Variants in ABLIM2 observed in about 807,000 individuals in gnomAD.
The protein encoded by ABLIM2 is actin-binding LIM protein 2.
ABLIM2 carries 53 observed loss-of-function variants against 97.7 expected under a neutral mutation model. That is an observed-to-expected ratio of 0.54 (90% confidence interval 0.44 to 0.68). The LOEUF is 0.68. ABLIM2 is among the 30% of genes least tolerant of loss of function. The probability of loss-of-function intolerance (pLI) is 0.00; values close to 1 mark genes in which losing one functional copy is unlikely to be tolerated. For synonymous variants in ABLIM2, 361 were observed against 345.8 expected, an observed-to-expected ratio of 1.04 and a Z score of -0.49; for missense variants, 835 against 867.2, an observed-to-expected ratio of 0.96 and a Z score of 0.47.
chr4:7,976,918 TAC>T (rs1553885348), intron 20 of ABLIM2, among the ~76,000 whole-genome samples: 3 of 151,158 alleles, frequency 2.0e-5, no homozygotes, highest in African/African-American at 7.3e-5. Context: ...CACACACACA[TAC>T]ACACATACAC....
intron 1 of ABLIM2, among the ~76,000 whole-genome samples, chr4:8,117,373 G>T (rs939120014): frequency 9.9e-5 from 15 of 152,182 alleles, no homozygotes; most frequent in African/African-American, 3.4e-4. Context: ...CACACCTACA[G>T]ACTCCACCCA....
At position 8,071,785 on chromosome 4, in the gene ABLIM2, C is replaced by A. The variant is rs980630072; in HGVS notation, c.675+5843G>T. ...GTTTCCTACCTGCACAGCTTCTGGG[C>A]ACCAGAGCCCAGTCTGACGGCCCTG... On this transcript the variant is annotated intron_variant, in intron 6 of 20. Transcript: ENST00000447017. The surrounding 1 kb of genome is among the most constrained non-coding windows in gnomAD (Gnocchi z 6.2). 12 of 984,070 alleles carry A rather than the reference C, an allele frequency of 1.2e-5. No homozygotes were observed. In the African/African-American group the frequency reaches 1.8e-4, roughly 14 times the overall value. The allele number at this position is 984,070 out of a possible 1,614,324, so 61.0% of individuals were successfully genotyped here.
intron 1 of ABLIM2, among the ~76,000 whole-genome samples, chr4:8,109,730 T>A (rs1264464385): frequency 6.6e-6 from 1 of 152,076 alleles, no homozygotes; most frequent in African/African-American, 2.4e-5. Flanking sequence ...GGGAGAGGGG[T>A]TGGCCTGGGA....
chr4:7,999,962 G>A lies in ABLIM2; in HGVS notation c.1619-7035C>T, dbSNP rs976971792. On this transcript the variant is annotated intron_variant, in intron 16 of 20. Transcript: ENST00000447017. The surrounding 1 kb of genome is among the most constrained non-coding windows in gnomAD (Gnocchi z 4.4). Reference sequence around the variant, plus strand: ...AAGTCACCGCTGGACATTCAAGGCCGGGCACCTTGTGGGCAGAGGACTGTG... The same window carrying A: ...AAGTCACCGCTGGACATTCAAGGCCAGGCACCTTGTGGGCAGAGGACTGTG... Among the ~76,000 whole-genome samples, 2 of 152,190 alleles carry A rather than the reference G, an allele frequency of 1.3e-5. No individual in the cohort carries two copies. The highest frequency in any genetic ancestry group is 2.1e-4 in the South Asian group (1 of 4,830).
rs1828896551 is a variant in ABLIM2 at position 8,091,849 on chromosome 4, T to TATACAATATATTATA, written c.339-3566_339-3565insTATAATATATTGTAT. 1.6e-3 allele frequency among the ~76,000 whole-genome samples: 166 copies of TATACAATATATTATA among 102,424 alleles called. 6 individuals carry two copies. The Admixed American group carries it at 0.018, about 11-fold the overall frequency. The allele number at this position is 102,424 out of a possible 152,430, so 67.2% of individuals were successfully genotyped here. On this transcript the variant is annotated intron_variant, in intron 3 of 20. Coordinates refer to ENST00000447017, the MANE Select transcript of ABLIM2 (RefSeq NM_001130083.2). Reference sequence around the variant, plus strand: ...TTATATAAATAATATAATATATTATTTATACAATATATTATATATACAATA... The same window carrying TATACAATATATTATA: ...TTATATAAATAATATAATATATTATTATACAATATATTATATATACAATATATTATATATACAATA...
At chr4:7,997,370 G>A (rs956518883) in intron 16 of ABLIM2, among the ~76,000 whole-genome samples, 7 of 152,006 alleles carry the variant, frequency 4.6e-5, no homozygotes, top group African/African-American at 1.7e-4. Flanking sequence ...GCGCCCAGCC[G>A]CTATTATTTC....
At chr4:8,156,675 C>T (rs1364829160) in intron 1 of ABLIM2, among the ~76,000 whole-genome samples, 1 of 152,242 alleles carries the variant, frequency 6.6e-6, no homozygotes, top group Non-Finnish European at 1.5e-5. Context: ...TGATGCTCAG[C>T]CACTCCTACC....
chr4:8,042,172 C>T (rs1200150374), intron 9 of ABLIM2, among the ~76,000 whole-genome samples: 2 of 152,188 alleles, frequency 1.3e-5, no homozygotes, highest in African/African-American at 2.4e-5. Flanking sequence ...CTCCTGCCCT[C>T]CTGTCTCTCA....
rs528404903 is a variant in ABLIM2 at position 8,104,361 on chromosome 4, C to T, written c.154+2133G>A. On this transcript the variant is annotated intron_variant, in intron 2 of 20. Transcript: ENST00000447017. ...CATCCTGGGGGTGTCCCTGGGTCCC[C>T]CCATGAGGACTGGGCTTCACGCTGC... 2.2e-4 allele frequency among the ~76,000 whole-genome samples: 34 copies of T among 152,336 alleles called. No homozygotes were observed. The South Asian group carries it at 6.8e-3, about 31-fold the overall frequency.
chr4:7,993,011 G>A, intron 16 of ABLIM2, 84 bp from the exon 17 acceptor site: 1 of 1,456,496 alleles, frequency 6.9e-7, no homozygotes, highest in South Asian at 1.2e-5. Flanking sequence ...CTTCCCACCG[G>A]GGTGGGCAAG....
At chr4:8,052,263 A>G (rs1018152327) in intron 8 of ABLIM2, among the ~76,000 whole-genome samples, 2 of 152,114 alleles carry the variant, frequency 1.3e-5, no homozygotes, top group African/African-American at 4.8e-5. Context: ...GGTCCCTTCC[A>G]CAGGCCTTTG....
rs1759872835 is a variant in ABLIM2 at position 8,004,658 on chromosome 4, A to T, written c.1618+3401T>A. 6.6e-6 allele frequency among the ~76,000 whole-genome samples: 1 copy of T among 152,118 alleles called. No homozygotes were observed. Among genetic ancestry groups the T allele is most frequent in the African/African-American group, 2.4e-5 (1 of 41,416 alleles). On this transcript the variant is annotated intron_variant, in intron 16 of 20. Coordinates refer to ENST00000447017, the MANE Select transcript of ABLIM2 (RefSeq NM_001130083.2). The surrounding 1 kb of genome is among the most constrained non-coding windows in gnomAD (Gnocchi z 5.9). ...GCAGCAGCAGGCCCTACTGCCGGGG[A>T]CACGGAGTCCACACCACCTTGTGTT...
chr4:8,108,667 C>T (rs1337428276), intron 1 of ABLIM2, among the ~76,000 whole-genome samples: 2 of 152,250 alleles, frequency 1.3e-5, no homozygotes, highest in African/African-American at 2.4e-5. Flanking sequence ...ACGGGACGCC[C>T]CCCTTCTGGG....
chr4:7,968,609 T>G (rs1462707608), intron 20 of ABLIM2, among the ~76,000 whole-genome samples: 2 of 152,174 alleles, frequency 1.3e-5, no homozygotes, highest in Non-Finnish European at 2.9e-5. Context: ...ATTCCACTTC[T>G]CTGAAGTGTC....
In ABLIM2 at chr4:8,022,676, GTCTCTGAGGA is replaced by G. The variant is rs1265401919; in HGVS notation, c.1268-2383_1268-2374del. The G allele has an allele frequency of 1.3e-5, 2 of 152,680 alleles. No homozygotes were observed. Among genetic ancestry groups the G allele is most frequent in the East Asian group, 3.9e-4 (2 of 5,188 alleles). 9.5% of individuals were successfully genotyped at this position (152,680 alleles called of 1,614,324 possible). On this transcript the variant is annotated intron_variant, in intron 12 of 20. Coordinates refer to ENST00000447017, the MANE Select transcript of ABLIM2 (RefSeq NM_001130083.2). This position sits in a 1 kb window ranked among gnomAD's most constrained non-coding sequence, Gnocchi z 7.8. Reference sequence around the variant, plus strand: ...CTGCTCAGCCTTCTGGTAGGACTTGGTCTCTGAGGACCTCTCCCTCCTCTGCACTCATGCC... The same window carrying G: ...CTGCTCAGCCTTCTGGTAGGACTTGGCCTCTCCCTCCTCTGCACTCATGCC...
At chr4:7,977,072 G>A (rs562322758) in intron 20 of ABLIM2, among the ~76,000 whole-genome samples, 2 of 152,242 alleles carry the variant, frequency 1.3e-5, no homozygotes, top group East Asian at 3.9e-4. Context: ...CCTGGTGGGA[G>A]GTGATTGGGT....
At position 8,083,129 on chromosome 4, in the gene ABLIM2, G is replaced by A. The variant is rs1195763113; in HGVS notation, c.455-2327C>T. Among the ~76,000 whole-genome samples the A allele has an allele frequency of 6.6e-6, 1 of 152,174 alleles. No individual in the cohort carries two copies. The highest frequency in any genetic ancestry group is 1.5e-5 in the Non-Finnish European group (1 of 68,024). The stretch of plus-strand genomic sequence containing the variant: ...CCCACATGTGAATGGTGCTGGAGCT[G>A]AGATCCCCGGCTCCAAGCCTCTGTT... On this transcript the variant is annotated intron_variant, in intron 4 of 20. Transcript: ENST00000447017. The surrounding 1 kb of genome is among the most constrained non-coding windows in gnomAD (Gnocchi z 4.6).
intron 2 of ABLIM2, among the ~76,000 whole-genome samples, chr4:8,101,776 CAT>C (rs1470790182): frequency 6.6e-6 from 1 of 152,240 alleles, no homozygotes; most frequent in Non-Finnish European, 1.5e-5. Flanking sequence ...ACAGTTAAAA[CAT>C]ATTCCCAAAG....
At position 8,067,113 on chromosome 4, in the gene ABLIM2, T is replaced by C. The variant is rs1218851556; in HGVS notation, c.676-6059A>G. 1.3e-5 allele frequency: 2 copies of C among 152,122 alleles called. No homozygotes were observed. The highest frequency in any genetic ancestry group is 4.8e-5 in the African/African-American group (2 of 41,406). The allele number at this position is 152,122 out of a possible 1,614,324, so 9.4% of individuals were successfully genotyped here. ...GGGGGGCCTACCCAAGGCCATGTCA[T>C]TGAGAGAATGAGGAGCCAGGATCCA... is the stretch of plus-strand genomic sequence containing the variant. On this transcript the variant is annotated intron_variant, in intron 6 of 20. Coordinates refer to ENST00000447017, the MANE Select transcript of ABLIM2 (RefSeq NM_001130083.2). The surrounding 1 kb of genome is among the most constrained non-coding windows in gnomAD (Gnocchi z 5.4).
Sources: allele counts gnomAD v4.1 joint callset (sites outside exome capture counted in the v4.1 genomes callset), GRCh38; gene constraint gnomAD v4.1.1; non-coding constraint Gnocchi (gnomAD v3.1); transcripts MANE v1.5; gene names NCBI Gene and HGNC (gene_info 2026-07-23, HGNC 2026-07-21).